The following HPSE2 variants were observed in gnomAD, a reference collection of about 807,000 sequenced individuals.
HPSE2 encodes inactive heparanase-2.
A neutral mutation model predicts 60.5 loss-of-function variants in HPSE2; 38 were observed. The ratio of observed to expected loss-of-function variants is 0.63; its 90% CI spans 0.48 to 0.82. The LOEUF (loss-of-function observed/expected upper bound fraction) is 0.82, where lower values mean the gene tolerates loss of function less well. HPSE2 is among the 40% of genes least tolerant of loss of function. The probability of loss-of-function intolerance (pLI) is 0.00; values close to 1 mark genes in which losing one functional copy is unlikely to be tolerated. For missense variants in HPSE2, 713 were observed against 740.4 expected (o/e 0.96, Z 0.43); for synonymous variants, 295 against 293.2 (o/e 1.01, Z -0.06).
At chr10:98,515,425 A>G (rs1466514720) in intron 9 of HPSE2, among the ~76,000 whole-genome samples, 2 of 152,248 alleles carry the variant, frequency 1.3e-5, no homozygotes, top group Admixed American at 6.5e-5. Context: ...AAATCAATTA[A>G]TGAGTAAACA....
At chr10:99,218,575 C>A (rs1247684390) in intron 2 of HPSE2, among the ~76,000 whole-genome samples, 3 of 152,062 alleles carry the variant, frequency 2.0e-5, no homozygotes, top group African/African-American at 7.2e-5. Context: ...AACTTTATTG[C>A]CATGAGAAAA....
chr10:99,042,328 C>T (rs1390495205), intron 3 of HPSE2, among the ~76,000 whole-genome samples: 4 of 152,104 alleles, frequency 2.6e-5, no homozygotes, highest in Admixed American at 1.3e-4. Context: ...CACAGCACAG[C>T]TGCCCACCCA....
intron 3 of HPSE2, among the ~76,000 whole-genome samples, chr10:98,994,446 G>C (rs1213862978): frequency 6.6e-6 from 1 of 152,126 alleles, no homozygotes; most frequent in African/African-American, 2.4e-5. Context: ...GGCTCCTTGG[G>C]CCTGCAACCA....
At chr10:98,534,489 C>T (rs1251041001) in intron 9 of HPSE2, among the ~76,000 whole-genome samples, 4 of 152,116 alleles carry the variant, frequency 2.6e-5, no homozygotes, top group Admixed American at 1.3e-4. Context: ...ACTGCAACCT[C>T]CGCCTCTTGG....
chr10:98,902,635 A>G (rs545635867), intron 3 of HPSE2, among the ~76,000 whole-genome samples: 8 of 152,232 alleles, frequency 5.3e-5, no homozygotes, highest in Middle Eastern at 3.4e-3. Flanking sequence ...TTAAAACCCT[A>G]TAAGCTGGGT....
chr10:99,219,072 C>T (rs1171094383), intron 2 of HPSE2, among the ~76,000 whole-genome samples: 1 of 152,162 alleles, frequency 6.6e-6, no homozygotes, highest in Non-Finnish European at 1.5e-5. Flanking sequence ...GTTATATTTC[C>T]ACTCCTCTGC....
At chr10:98,814,501 G>C (rs529750570) in intron 3 of HPSE2, among the ~76,000 whole-genome samples, 63 of 152,304 alleles carry the variant, frequency 4.1e-4, no homozygotes, top group African/African-American at 1.5e-3. Flanking sequence ...ACCGTTTAAA[G>C]AGGCAGACAA....
rs368362126 is a variant in HPSE2 at position 98,492,140 on chromosome 10, A to G, written c.1321-1944T>C. The stretch of plus-strand genomic sequence containing the variant: ...CTCAAACTTGCATTTGGGTATAGCC[A>G]TTACCTTTGTGTCGTAGCAATTTTC... On this transcript the variant is annotated intron_variant, in intron 9 of 11. Coordinates refer to ENST00000370552, the MANE Select transcript of HPSE2 (RefSeq NM_021828.5). Among the ~76,000 whole-genome samples, 6 of 152,314 alleles carry G rather than the reference A, an allele frequency of 3.9e-5. No individual in the cohort carries two copies. The East Asian group carries it at 5.8e-4, about 15-fold the overall frequency.
chr10:98,999,870 T>C (rs1470748289), intron 3 of HPSE2, among the ~76,000 whole-genome samples: 1 of 152,176 alleles, frequency 6.6e-6, no homozygotes, highest in African/African-American at 2.4e-5. Context: ...GGAGCCACTA[T>C]AGTTCTTTGA....
intron 3 of HPSE2, among the ~76,000 whole-genome samples, chr10:98,939,057 G>T (rs1225105071): frequency 7.0e-6 from 1 of 143,756 alleles, no homozygotes. Context: ...TCACCACCAG[G>T]CCTGCCCTAA....
At chr10:98,482,225 T>C (rs1029241679) in intron 11 of HPSE2, among the ~76,000 whole-genome samples, 1 of 152,064 alleles carries the variant, frequency 6.6e-6, no homozygotes, top group Non-Finnish European at 1.5e-5. Context: ...GAGTCAGCAT[T>C]ACAGAATGTT....
intron 3 of HPSE2, among the ~76,000 whole-genome samples, chr10:99,093,694 G>A (rs1430205890): frequency 6.6e-6 from 1 of 152,140 alleles, no homozygotes; most frequent in African/African-American, 2.4e-5. Flanking sequence ...CATAAGGATG[G>A]AACTCTCATG....
intron 3 of HPSE2, among the ~76,000 whole-genome samples, chr10:98,960,716 T>TTTTTA (rs1955641790): frequency 9.6e-6 from 1 of 104,602 alleles, no homozygotes; most frequent in Admixed American, 9.3e-5. Context: ...TTTTTTTTTT[T>TTTTTA]TTTTGTTTTA....
At chr10:98,575,649 C>T (rs1295592164) in intron 9 of HPSE2, among the ~76,000 whole-genome samples, 1 of 152,140 alleles carries the variant, frequency 6.6e-6, no homozygotes, top group African/African-American at 2.4e-5. Flanking sequence ...AATAAAGGCT[C>T]AGAGAGATGA....
intron 3 of HPSE2, among the ~76,000 whole-genome samples, chr10:98,814,403 A>C (rs1377023909): frequency 1.3e-5 from 2 of 152,156 alleles, no homozygotes; most frequent in Admixed American, 6.5e-5. Context: ...TTCCATGTCA[A>C]GTAAAAATGA....
At position 99,186,542 on chromosome 10, in the gene HPSE2, C is replaced by CAAAAA. The variant is rs60186369; in HGVS notation, c.449-42148_449-42144dup. On this transcript the variant is annotated intron_variant, in intron 2 of 11. Transcript: ENST00000370552. ...TAGGTGACAGAGTGAGACTCCATCT[C>CAAAAA]AAAAAAAAAAAAAAAAAAAAAAAAA... 9.5e-3 allele frequency among the ~76,000 whole-genome samples: 566 copies of CAAAAA among 59,480 alleles called. 47 individuals carry two copies. Among genetic ancestry groups the CAAAAA allele is most frequent in the Non-Finnish European group, 0.013 (476 of 37,158 alleles). The allele number at this position is 59,480 out of a possible 152,430, so 39.0% of individuals were successfully genotyped here.
intron 5 of HPSE2, among the ~76,000 whole-genome samples, chr10:98,720,173 A>G (rs2134245387): frequency 6.6e-6 from 1 of 152,248 alleles, no homozygotes; most frequent in Non-Finnish European, 1.5e-5. Context: ...ATAATAAGAA[A>G]TCAGAAATTA....
chr10:98,565,389 A>T (rs1299500233), intron 9 of HPSE2, among the ~76,000 whole-genome samples: 1 of 151,892 alleles, frequency 6.6e-6, no homozygotes, highest in African/African-American at 2.4e-5. Flanking sequence ...ATGTGTTCTC[A>T]TTGTCCGACT....
At chr10:99,228,398 T>C (rs181594617) in intron 2 of HPSE2, among the ~76,000 whole-genome samples, 3 of 152,234 alleles carry the variant, frequency 2.0e-5, no homozygotes, top group Non-Finnish European at 4.4e-5. Context: ...TGGCTTTTGA[T>C]GTACATTTAA....
Sources: allele counts gnomAD v4.1 joint callset (sites outside exome capture counted in the v4.1 genomes callset), GRCh38; gene constraint gnomAD v4.1.1; transcripts MANE v1.5; gene names NCBI Gene and HGNC (gene_info 2026-07-23, HGNC 2026-07-21).